Variants in ARHGAP32 observed in about 807,000 individuals in gnomAD.
ARHGAP32 encodes the protein Rho GTPase activating protein 32.
In ARHGAP32, 51 loss-of-function variants were observed where a neutral mutation model predicts 186.5. The ratio of observed to expected loss-of-function variants is 0.27; its 90% CI spans 0.22 to 0.35. The LOEUF (loss-of-function observed/expected upper bound fraction) is 0.35, where lower values mean the gene tolerates loss of function less well. ARHGAP32 is among the 10% of genes least tolerant of loss of function. The pLI is 1.00. For missense variants in ARHGAP32, 2,186 were observed against 2,623.5 expected (o/e 0.83, Z 3.64); for synonymous variants, 950 against 964.3 (o/e 0.99, Z 0.27).
At chr11:129,160,021 T>C (rs1565449398) in intron 2 of ARHGAP32, among the ~76,000 whole-genome samples, 3 of 152,180 alleles carry the variant, frequency 2.0e-5, no homozygotes, top group Admixed American at 6.5e-5. Flanking sequence ...TCTCAATAGA[T>C]GCAGAAAATC....
intron 20 of ARHGAP32, 37 bp from the exon 21 acceptor site, chr11:128,975,039 T>C (rs762290458): frequency 6.9e-5 from 107 of 1,549,776 alleles, no homozygotes; most frequent in Admixed American, 3.1e-4. Context: ...AGTAAGAACA[T>C]CGTAGATACA....
intron 1 of ARHGAP32, among the ~76,000 whole-genome samples, chr11:129,269,613 G>C (rs902918125): frequency 1.3e-5 from 2 of 152,064 alleles, no homozygotes; most frequent in African/African-American, 4.8e-5. Flanking sequence ...TATAGTCTTA[G>C]CTCCTTGGAA....
intron 11 of ARHGAP32, among the ~76,000 whole-genome samples, chr11:129,027,867 G>T (rs1328434553): frequency 2.6e-5 from 4 of 152,244 alleles, no homozygotes; most frequent in Middle Eastern, 3.4e-3. Flanking sequence ...TTTCTGTCTG[G>T]TGTGTTCACT....
intron 11 of ARHGAP32, among the ~76,000 whole-genome samples, chr11:129,025,168 T>C (rs1938779565): frequency 6.6e-6 from 1 of 152,188 alleles, no homozygotes; most frequent in Non-Finnish European, 1.5e-5. Context: ...GGCAGTTCTA[T>C]TATTATCTCA....
rs773346055 is a variant in ARHGAP32 at position 128,971,174 on chromosome 11, T to A, written c.4054-15A>T. 41 of 1,589,348 alleles carry A rather than the reference T, an allele frequency of 2.6e-5. No individual in the cohort carries two copies. The highest frequency in any genetic ancestry group is 3.4e-5 in the Non-Finnish European group (40 of 1,163,046). On this transcript the variant is annotated splice_polypyrimidine_tract_variant and intron_variant, in intron 22 of 22. Coordinates refer to ENST00000682385, the MANE Select transcript of ARHGAP32 (RefSeq NM_001378024.1). ...ACTCCTTGAACCTATTGAAAGATGA[T>A]AATACTATGGGTCTATTTTTTGTTC...
chr11:129,161,133 C>T (rs1943521455), intron 2 of ARHGAP32, among the ~76,000 whole-genome samples: 1 of 152,102 alleles, frequency 6.6e-6, no homozygotes, highest in South Asian at 2.1e-4. Context: ...CCCCTTCTTA[C>T]ACCTTATACA....
intron 1 of ARHGAP32, among the ~76,000 whole-genome samples, chr11:129,212,018 C>T (rs1944587627): frequency 6.6e-6 from 1 of 151,818 alleles, no homozygotes; most frequent in Admixed American, 6.6e-5. Flanking sequence ...GGCAGGCATG[C>T]CTGGTGCATG....
intron 11 of ARHGAP32, among the ~76,000 whole-genome samples, chr11:129,008,031 C>T (rs924131565): frequency 6.6e-6 from 1 of 152,090 alleles, no homozygotes; most frequent in Non-Finnish European, 1.5e-5. Context: ...TCCCAAAATT[C>T]CTAAGTTCTC....
intron 1 of ARHGAP32, among the ~76,000 whole-genome samples, chr11:129,271,677 A>T (rs1945474055): frequency 1.3e-5 from 2 of 152,212 alleles, no homozygotes; most frequent in African/African-American, 2.4e-5. Context: ...CCTGAGGGAC[A>T]TTCCAAATTT....
At chr11:129,043,390 T>C (rs1300903035) in intron 10 of ARHGAP32, among the ~76,000 whole-genome samples, 8 of 146,768 alleles carry the variant, frequency 5.5e-5, no homozygotes, top group Admixed American at 2.0e-4. Flanking sequence ...TCTTTTTTTT[T>C]TTTTTTTTTT....
chr11:129,039,942 A>G (rs1306490104), intron 11 of ARHGAP32, among the ~76,000 whole-genome samples: 18 of 152,194 alleles, frequency 1.2e-4, no homozygotes, highest in Non-Finnish European at 1.5e-4. Context: ...TGAACAATAA[A>G]GTTAGTCTAA....
chr11:129,034,728 CAAAAAA>C lies in ARHGAP32; in HGVS notation c.1045+6194_1045+6199del, dbSNP rs767897442. 6.0e-3 allele frequency among the ~76,000 whole-genome samples: 435 copies of C among 72,588 alleles called. 5 individuals carry two copies. Among genetic ancestry groups the C allele is most frequent in the African/African-American group, 0.02 (422 of 20,638 alleles). 47.6% of individuals were successfully genotyped at this position (72,588 alleles called of 152,430 possible). ...CAACAGAAAGTATCCAAACTGAAAA[CAAAAAA>C]AAAAAAAAAAGAGAGAGAGAAAAAA... On this transcript the variant is annotated intron_variant, in intron 11 of 22. Transcript: ENST00000682385.
At chr11:129,185,029 T>C (rs1482461935) in intron 1 of ARHGAP32, among the ~76,000 whole-genome samples, 2 of 152,188 alleles carry the variant, frequency 1.3e-5, no homozygotes, top group Admixed American at 6.5e-5. Flanking sequence ...TCAACCACTG[T>C]GGAAGTAGGT....
intron 1 of ARHGAP32, among the ~76,000 whole-genome samples, chr11:129,213,869 T>C (rs1403467101): frequency 2.0e-5 from 3 of 152,118 alleles, no homozygotes; most frequent in Admixed American, 1.3e-4. Context: ...AATAGTTTTG[T>C]AGGGCGAAAA....
At chr11:129,154,682 G>C (rs1359628341) in intron 2 of ARHGAP32, among the ~76,000 whole-genome samples, 1 of 152,152 alleles carries the variant, frequency 6.6e-6, no homozygotes, top group Non-Finnish European at 1.5e-5. Context: ...GCTAAGCTAT[G>C]AGGACACAAA....
chr11:129,183,776 T>TGG (rs569510271), intron 1 of ARHGAP32, among the ~76,000 whole-genome samples: 2,023 of 152,076 alleles, frequency 0.013, 53 homozygotes, highest in African/African-American at 0.045. Flanking sequence ...ACCCACCAAA[T>TGG]TGCATGAAAG....
At chr11:129,064,778 A>G (rs1940630706) in intron 8 of ARHGAP32, 63 bp downstream of exon 8, 2 of 1,280,904 alleles carry the variant, frequency 1.6e-6, no homozygotes, top group Non-Finnish European at 2.2e-6. Flanking sequence ...TTATGTTAAT[A>G]TCAAATTTCT....
chr11:129,135,789 A>C (rs1942925163), intron 2 of ARHGAP32, among the ~76,000 whole-genome samples: 1 of 152,086 alleles, frequency 6.6e-6, no homozygotes, highest in Non-Finnish European at 1.5e-5. Context: ...ACAAAAAAAG[A>C]ATGTTGACCC....
Position 128,978,884 on chromosome 11 carries a change from G to A in ARHGAP32, c.2008C>T (p.Pro670Ser). The A allele has an allele frequency of 1.2e-6, 2 of 1,609,750 alleles. No homozygotes were observed. The highest frequency in any genetic ancestry group is 2.2e-5 in the East Asian group (1 of 44,572). Residue 670 changes from proline (P) to serine (S), a missense_variant, in exon 19 of 23, where the codon CCT becomes TCT. Transcript: ENST00000682385. Reference sequence around the variant, plus strand: ...AAAAAGGAACGCCAGCTACCCACAGGAGACTTTTTCATCTTATTTTGAGGC... The same window carrying A: ...AAAAAGGAACGCCAGCTACCCACAGAAGACTTTTTCATCTTATTTTGAGGC... The part of the protein sequence containing the change: ...KRPQNKMKKS[P>S]VGSWRSFFNL...
Sources: allele counts gnomAD v4.1 joint callset (sites outside exome capture counted in the v4.1 genomes callset), GRCh38; gene constraint gnomAD v4.1.1; transcripts MANE v1.5; gene names NCBI Gene and HGNC (gene_info 2026-07-23, HGNC 2026-07-21).